ZBTB7C: variants seen among roughly 807,000 people sequenced by gnomAD.
The protein encoded by ZBTB7C is zinc finger and BTB domain containing 7C.
A neutral mutation model predicts 25.7 loss-of-function variants in ZBTB7C; 8 were observed. That is an observed-to-expected ratio of 0.31 (90% confidence interval 0.18 to 0.56). ZBTB7C has a LOEUF of 0.56. ZBTB7C is among the 20% of genes least tolerant of loss of function. ZBTB7C has a pLI of 0.91. For synonymous variants in ZBTB7C, 394 were observed against 369.0 expected (o/e 1.07, Z -0.78); for missense variants, 824 against 855.2 (o/e 0.96, Z 0.46).
intron 4 of ZBTB7C, among the ~76,000 whole-genome samples, chr18:48,033,031 C>T (rs1401561648): frequency 6.6e-6 from 1 of 152,142 alleles, no homozygotes; most frequent in Non-Finnish European, 1.5e-5. Flanking sequence ...AGGGCCCCTC[C>T]AGGAGTCTGG....
At chr18:48,037,123 T>C (rs1196789927) in intron 4 of ZBTB7C, among the ~76,000 whole-genome samples, 1 of 152,128 alleles carries the variant, frequency 6.6e-6, no homozygotes, top group African/African-American at 2.4e-5. Flanking sequence ...GGGGTTTCTC[T>C]CCTCCTGGGA....
intron 1 of ZBTB7C, among the ~76,000 whole-genome samples, chr18:48,362,734 A>T (rs927392887): frequency 1.3e-5 from 2 of 152,076 alleles, no homozygotes; most frequent in Non-Finnish European, 2.9e-5. Context: ...GGTTAGTTCT[A>T]AGGTAACTCC....
intron 3 of ZBTB7C, among the ~76,000 whole-genome samples, chr18:48,128,733 A>G (rs1462933554): frequency 6.6e-6 from 1 of 152,062 alleles, no homozygotes; most frequent in African/African-American, 2.4e-5. Flanking sequence ...GGTGAGGGAC[A>G]AAAAAAACTA....
chr18:48,041,446 C>CAACT, intron 3 of ZBTB7C: 2 of 985,446 alleles, frequency 2.0e-6, no homozygotes, highest in Non-Finnish European at 2.4e-6. Context: ...TTGCAGAATA[C>CAACT]AACTGCAGGA....
intron 2 of ZBTB7C, among the ~76,000 whole-genome samples, chr18:48,222,941 A>C (rs558818620): frequency 1.6e-4 from 25 of 152,356 alleles, no homozygotes; most frequent in African/African-American, 5.5e-4. Context: ...CTGTAGGTCC[A>C]GGAAGTCCCT....
At chr18:48,165,390 C>T (rs1246810039) in intron 3 of ZBTB7C, 2 of 354,222 alleles carry the variant, frequency 5.6e-6, no homozygotes, top group African/African-American at 2.1e-5. Flanking sequence ...GCTGCCCATA[C>T]TCTATGGCCC....
intron 3 of ZBTB7C, among the ~76,000 whole-genome samples, chr18:48,140,049 C>T (rs1164202311): frequency 6.6e-6 from 1 of 152,308 alleles, no homozygotes; most frequent in East Asian, 1.9e-4. Context: ...ACAGCTGGCT[C>T]CAAACTCAAC....
intron 2 of ZBTB7C, among the ~76,000 whole-genome samples, chr18:48,256,824 C>A (rs183494061): frequency 1.6e-3 from 249 of 151,784 alleles, no homozygotes; most frequent in Middle Eastern, 3.4e-3. Flanking sequence ...TATTATAAAC[C>A]TGAGAGCAAC....
intron 2 of ZBTB7C, among the ~76,000 whole-genome samples, chr18:48,253,967 C>T (rs950263650): frequency 2.8e-4 from 43 of 152,168 alleles, no homozygotes; most frequent in African/African-American, 9.9e-4. Flanking sequence ...TCCTAAATTC[C>T]AGCAAAACAG....
intron 3 of ZBTB7C, chr18:48,087,644 A>C (rs2038241245): frequency 6.6e-6 from 1 of 151,970 alleles, no homozygotes; most frequent in African/African-American, 2.4e-5. Flanking sequence ...AAGAAAAAAA[A>C]ATTAGCTGGG....
chr18:48,346,847 G>A (rs1437395095), intron 1 of ZBTB7C: 1 of 151,942 alleles, frequency 6.6e-6, no homozygotes, highest in African/African-American at 2.4e-5. Flanking sequence ...TGCACTGGTG[G>A]GATCTTGGGT....
intron 3 of ZBTB7C, among the ~76,000 whole-genome samples, chr18:48,103,828 C>T (rs773794008): frequency 6.6e-6 from 1 of 151,920 alleles, no homozygotes; most frequent in Non-Finnish European, 1.5e-5. Context: ...TGAAAGAGGC[C>T]AGCCACCAAG....
intron 3 of ZBTB7C, among the ~76,000 whole-genome samples, chr18:48,132,446 G>T (rs897733665): frequency 6.6e-6 from 1 of 152,132 alleles, no homozygotes; most frequent in Non-Finnish European, 1.5e-5. Flanking sequence ...CTGCTAATGG[G>T]TACAGTATTT....
intron 2 of ZBTB7C, among the ~76,000 whole-genome samples, chr18:48,310,449 G>A (rs930388992): frequency 3.3e-5 from 5 of 150,530 alleles, no homozygotes; most frequent in Admixed American, 6.6e-5. Context: ...AAAAAACTAC[G>A]TCCAAGACTT....
At chr18:48,103,902 A>G (rs556738164) in intron 3 of ZBTB7C, among the ~76,000 whole-genome samples, 2 of 152,338 alleles carry the variant, frequency 1.3e-5, no homozygotes, top group South Asian at 4.1e-4. Context: ...ATAGAGACAT[A>G]AAGTAGATTA....
intron 1 of ZBTB7C, among the ~76,000 whole-genome samples, chr18:48,394,547 G>T (rs2047975932): frequency 6.6e-6 from 1 of 152,160 alleles, no homozygotes; most frequent in Non-Finnish European, 1.5e-5. Flanking sequence ...TGCACCATGT[G>T]TATGATATAT....
chr18:48,257,214 T>G (rs2044045311), intron 2 of ZBTB7C, among the ~76,000 whole-genome samples: 1 of 152,004 alleles, frequency 6.6e-6, no homozygotes, highest in Non-Finnish European at 1.5e-5. Context: ...TCAGACAAAG[T>G]AGATTTCAGA....
chr18:48,191,738 G>A (rs1233063146), intron 2 of ZBTB7C, among the ~76,000 whole-genome samples: 1 of 152,188 alleles, frequency 6.6e-6, no homozygotes, highest in Non-Finnish European at 1.5e-5. Context: ...GAGGCCCGGG[G>A]GTTGTCCAGC....
intron 4 of ZBTB7C, 121 bp from the exon 5 acceptor site, chr18:48,030,032 A>C: frequency 1.5e-6 from 2 of 1,308,374 alleles, no homozygotes; most frequent in Non-Finnish European, 2.1e-6. Context: ...CAAACCCCAG[A>C]AATAGGTCTC....
Sources: allele counts gnomAD v4.1 joint callset (sites outside exome capture counted in the v4.1 genomes callset), GRCh38; gene constraint gnomAD v4.1.1; transcripts MANE v1.5; gene names NCBI Gene and HGNC (gene_info 2026-07-23, HGNC 2026-07-21).